CLUAP1: variants seen among roughly 807,000 people sequenced by gnomAD.
CLUAP1 encodes the protein intraflagellar transport 38.
In CLUAP1, 50 loss-of-function variants were observed where a neutral mutation model predicts 55.0. The ratio of observed to expected loss-of-function variants is 0.91; its 90% CI spans 0.72 to 1.15. CLUAP1 has a LOEUF of 1.15. Among genes scored for constraint, CLUAP1 ranks in the 50% most tolerant of loss-of-function variants. The pLI is 0.00. For missense variants in CLUAP1, 530 were observed against 507.6 expected, an observed-to-expected ratio of 1.04 and a Z score of -0.42; for synonymous variants, 195 against 175.4, an observed-to-expected ratio of 1.11 and a Z score of -0.88.
intron 7 of CLUAP1, among the ~76,000 whole-genome samples, chr16:3,520,499 A>G (rs528687968): frequency 6.6e-6 from 1 of 152,330 alleles, no homozygotes; most frequent in South Asian, 2.1e-4. Context: ...CCTCAAATGT[A>G]CATGTGTTGC....
chr16:3,521,316 ATTATTTCTGAGT>A (rs779367412), intron 7 of CLUAP1, among the ~76,000 whole-genome samples: 16 of 152,154 alleles, frequency 1.1e-4, no homozygotes, highest in Non-Finnish European at 2.1e-4. Context: ...AAAGATTATA[ATTATTTCTGAGT>A]TTATCTGCTT....
chr16:3,513,755 T>A (rs2037679600), intron 5 of CLUAP1, among the ~76,000 whole-genome samples: 2 of 152,050 alleles, frequency 1.3e-5, no homozygotes, highest in Non-Finnish European at 2.9e-5. Context: ...TGGCCTAGAG[T>A]GGAGTAGTGT....
intron 5 of CLUAP1, among the ~76,000 whole-genome samples, chr16:3,512,742 G>T (rs570247423): frequency 6.6e-6 from 1 of 151,976 alleles, no homozygotes; most frequent in Non-Finnish European, 1.5e-5. Flanking sequence ...GTGCAGTGGC[G>T]CAATCTCGTC....
At chr16:3,529,748 A>ATAT (rs2038062629) in intron 9 of CLUAP1, among the ~76,000 whole-genome samples, 1 of 44,668 alleles carries the variant, frequency 2.2e-5, no homozygotes, top group African/African-American at 9.5e-5. Flanking sequence ...TATATATTAT[A>ATAT]TATTATATAA....
chr16:3,504,577 C>G (rs1033125891), intron 1 of CLUAP1, 143 bp from the exon 2 acceptor site: 4 of 581,200 alleles, frequency 6.9e-6, no homozygotes, highest in Non-Finnish European at 1.3e-5. Context: ...CTCCTTTTTG[C>G]TTTCCCTTGT....
Position 3,532,832 on chromosome 16 carries a change from C to G in CLUAP1, c.1083C>G (p.Ser361=). 2 of 1,614,114 alleles carry G rather than the reference C, an allele frequency of 1.2e-6. No individual in the cohort carries two copies. Residue 361 remains serine, a synonymous_variant, in exon 11 of 12, where the codon TCC becomes TCG. Coordinates refer to ENST00000576634, the MANE Select transcript of CLUAP1 (RefSeq NM_015041.3). ...TGGGCACGATGCAAGGTGGAGACTC[C>G]GATGACAATGTAAGTCCCCCGCTCC... ...RIVGTMQGGD[S]DDNEDSEESE... is the part of the protein sequence containing the mutation.
At chr16:3,501,892 T>A (rs531380109) in intron 1 of CLUAP1, among the ~76,000 whole-genome samples, 2 of 152,232 alleles carry the variant, frequency 1.3e-5, no homozygotes, top group South Asian at 4.1e-4. Flanking sequence ...GCCCGCTCTG[T>A]GTTATGCGCA....
At position 3,510,551 on chromosome 16, in the gene CLUAP1, G is replaced by A. The variant is rs1326710474; in HGVS notation, c.400-1832G>A. 2.6e-5 allele frequency among the ~76,000 whole-genome samples: 4 copies of A among 152,188 alleles called. No individual in the cohort carries two copies. In the East Asian group the frequency reaches 7.7e-4, roughly 29 times the overall value. On this transcript the variant is annotated intron_variant, in intron 4 of 11. Transcript: ENST00000576634. The stretch of plus-strand genomic sequence containing the variant: ...GAGGCATGGGTTGAGAGTAAGTCAG[G>A]TGCTACAGGCCGGGTCTTGGGGCAG...
chr16:3,508,491 A>G, intron 4 of CLUAP1, 23 bp downstream of exon 4: 1 of 1,534,554 alleles, frequency 6.5e-7, no homozygotes, highest in South Asian at 1.3e-5. Context: ...AAAGCCTTGT[A>G]GTGGGCGATG....
At chr16:3,504,937 G>C in intron 2 of CLUAP1, 106 bp downstream of exon 2, 1 of 738,502 alleles carries the variant, frequency 1.4e-6, no homozygotes, top group Non-Finnish European at 2.4e-6. Context: ...GAAAGTTTTT[G>C]GAATTTGACA....
At chr16:3,528,855 C>A (rs1165675611) in intron 9 of CLUAP1, among the ~76,000 whole-genome samples, 1 of 152,030 alleles carries the variant, frequency 6.6e-6, no homozygotes, top group East Asian at 1.9e-4. Context: ...TATTATTTCC[C>A]CATTGAGTTA....
intron 9 of CLUAP1, among the ~76,000 whole-genome samples, chr16:3,529,709 T>A (rs1596403759): frequency 6.6e-5 from 2 of 30,320 alleles, no homozygotes; most frequent in Non-Finnish European, 9.9e-5. Context: ...TATTATATAT[T>A]ATATAATATT....
At chr16:3,521,856 A>T (rs1012385458) in intron 7 of CLUAP1, among the ~76,000 whole-genome samples, 1 of 151,694 alleles carries the variant, frequency 6.6e-6, no homozygotes, top group African/African-American at 2.4e-5. Context: ...GGGGTTCAAG[A>T]CCAGCCTGGG....
chr16:3,529,865 AATTTATAATTTATAAATTTAT>A (rs1289544014), intron 9 of CLUAP1, among the ~76,000 whole-genome samples: 2 of 70,592 alleles, frequency 2.8e-5, no homozygotes, highest in African/African-American at 1.1e-4. Context: ...TTTATAATAT[AATTTATAATTTATAAATTTAT>A]ATTTATAATT....
rs115797165 is a variant in CLUAP1, at chr16:3,526,562, T to G, written c.928+78T>G. The G allele has an allele frequency of 6.9e-3, 5,581 of 804,452 alleles. 138 individuals are homozygous for G. Among genetic ancestry groups the G allele is most frequent in the African/African-American group, 0.061 (3,360 of 54,836 alleles). The allele number at this position is 804,452 out of a possible 1,614,324, so 49.8% of individuals were successfully genotyped here. A position where few individuals can be genotyped will look rare whatever the true frequency, so the allele number is the denominator to read the frequency against. On this transcript the variant is annotated intron_variant, in intron 9 of 11. Coordinates refer to ENST00000576634, the MANE Select transcript of CLUAP1 (RefSeq NM_015041.3). ...CTTGAAATATATATAGAGAGATATA[T>G]ATATATTTTTTAATATGTATTTTCT...
At position 3,507,865 on chromosome 16, in the gene CLUAP1, C is replaced by T. The variant is rs186913992; in HGVS notation, c.220-424C>T. 1.6e-3 allele frequency among the ~76,000 whole-genome samples: 238 copies of T among 152,124 alleles called. 1 individual carries two copies. The highest frequency in any genetic ancestry group is 0.011 in the South Asian group (55 of 4,822). On this transcript the variant is annotated intron_variant, in intron 3 of 11. Transcript: ENST00000576634. ...ACTTTCCAAATACATATAGAATTTC[C>T]TCATTCTGTTTACGCCTGAGTGGTA...
Position 3,508,473 on chromosome 16 carries a change from G to C in CLUAP1, c.399+5G>C. 1.9e-6 allele frequency: 3 copies of C among 1,563,464 alleles called. No homozygotes were observed. The highest frequency in any genetic ancestry group is 2.6e-6 in the Non-Finnish European group (3 of 1,164,010). On this transcript the variant is annotated splice_donor_5th_base_variant and intron_variant, in intron 4 of 11. Coordinates refer to ENST00000576634, the MANE Select transcript of CLUAP1 (RefSeq NM_015041.3). ...AAGTTTGATCTTGGCTCAAAGGTAA[G>C]GACAACAAAAGCCTTGTAGTGGGCG... is the stretch of plus-strand genomic sequence containing the variant.
intron 7 of CLUAP1, among the ~76,000 whole-genome samples, chr16:3,521,728 G>A (rs146166766): frequency 6.0e-5 from 9 of 151,216 alleles, no homozygotes; most frequent in African/African-American, 9.7e-5. Flanking sequence ...TCATCATCAC[G>A]CCTGGCCTTT....
In CLUAP1 at chr16:3,529,896, T is replaced by TATATA. The variant is rs535816598; in HGVS notation, c.929-671_929-667dup. On this transcript the variant is annotated intron_variant, in intron 9 of 11. Coordinates refer to ENST00000576634, the MANE Select transcript of CLUAP1 (RefSeq NM_015041.3). ...TAATTTATAAATTTATATTTATAAT[T>TATATA]ATATATGTTATATAGTTATATATTA... 4.3e-3 allele frequency among the ~76,000 whole-genome samples: 453 copies of TATATA among 105,056 alleles called. 2 individuals carry two copies. The highest frequency in any genetic ancestry group is 0.015 in the African/African-American group (390 of 25,894). 68.9% of individuals were successfully genotyped at this position (105,056 alleles called of 152,430 possible).
Sources: gnomAD v4.1 joint callset for allele counts (sites outside exome capture counted in the v4.1 genomes callset) on GRCh38, gnomAD v4.1.1 for gene constraint, MANE v1.5 for transcripts, NCBI Gene and HGNC (gene_info 2026-07-23, HGNC 2026-07-21) for gene names.